Variants in KPNA3 observed in about 807,000 individuals in gnomAD.
The protein encoded by KPNA3 is karyopherin subunit alpha 3, also known as importin subunit alpha-4.
Under a neutral mutation model 73.8 loss-of-function variants are expected in KPNA3, and 13 were observed. That is an observed-to-expected ratio of 0.18 (90% CI 0.11 to 0.28). The LOEUF is 0.28. Ranked by LOEUF, KPNA3 falls within the 10% of genes least tolerant of loss-of-function variation. The probability of loss-of-function intolerance (pLI) is 1.00; values close to 1 mark genes in which losing one functional copy is unlikely to be tolerated. For synonymous variants in KPNA3, 186 were observed against 206.9 expected (o/e 0.90, Z 0.87); for missense variants, 360 against 618.1 (o/e 0.58, Z 4.43).
chr13:49,745,879 C>CG (rs1438037115), intron 2 of KPNA3, among the ~76,000 whole-genome samples: 1 of 150,164 alleles, frequency 6.7e-6, no homozygotes, highest in Admixed American at 6.6e-5. Context: ...CTGGCTAACA[C>CG]GGTGAAACCC....
Position 49,718,819 on chromosome 13 carries a change from A to G in KPNA3, c.771+956T>C, listed in dbSNP as rs778734945. Reference sequence around the variant, plus strand: ...TTAAAATCTGCAAATGAGCTAGAGTAATGTGATACAATTTTTATATACAAA... The same window carrying G: ...TTAAAATCTGCAAATGAGCTAGAGTGATGTGATACAATTTTTATATACAAA... On this transcript the variant is annotated intron_variant, in intron 10 of 16. Transcript: ENST00000261667. 3.7e-4 allele frequency among the ~76,000 whole-genome samples: 56 copies of G among 152,186 alleles called. 1 individual carries two copies. Among genetic ancestry groups the G allele is most frequent in the African/African-American group, 7.2e-4 (30 of 41,448 alleles).
At chr13:49,739,978 C>T (rs1415908277) in intron 2 of KPNA3, among the ~76,000 whole-genome samples, 1 of 152,124 alleles carries the variant, frequency 6.6e-6, no homozygotes, top group African/African-American at 2.4e-5. Context: ...CAGCTGAGTG[C>T]AGTGGCTCAT....
intron 1 of KPNA3, among the ~76,000 whole-genome samples, chr13:49,782,150 C>A (rs1954946137): frequency 6.6e-6 from 1 of 152,224 alleles, no homozygotes; most frequent in African/African-American, 2.4e-5. Flanking sequence ...ATTAAAAATC[C>A]CACCATAAGA....
In KPNA3 at chr13:49,734,914, T is replaced by TAC. The variant is rs1555305283; in HGVS notation, c.115-1870_115-1869dup. ...AATTTTGACTTTATATATATATATA[T>TAC]ACACACACATATATATATATATATA... On this transcript the variant is annotated intron_variant, in intron 2 of 16. Coordinates refer to ENST00000261667, the MANE Select transcript of KPNA3 (RefSeq NM_002267.4). 3.8e-3 allele frequency among the ~76,000 whole-genome samples: 525 copies of TAC among 139,960 alleles called. 3 individuals are homozygous for TAC. Among genetic ancestry groups the TAC allele is most frequent in the East Asian group, 0.018 (88 of 4,922 alleles). The allele number at this position is 139,960 out of a possible 152,430, so 91.8% of individuals were successfully genotyped here.
At chr13:49,723,868 TAAAA>T (rs34273881) in intron 7 of KPNA3, among the ~76,000 whole-genome samples, 3 of 127,858 alleles carry the variant, frequency 2.3e-5, no homozygotes, top group African/African-American at 8.9e-5. Context: ...GACTCCGTCT[TAAAA>T]AAAAAAAAAA....
intron 7 of KPNA3, among the ~76,000 whole-genome samples, chr13:49,724,830 C>T (rs1223436466): frequency 6.6e-6 from 1 of 152,134 alleles, no homozygotes; most frequent in African/African-American, 2.4e-5. Flanking sequence ...CTCCTGAACT[C>T]AAGTGATCTG....
At chr13:49,719,257 CTG>C (rs1398379061) in intron 10 of KPNA3, among the ~76,000 whole-genome samples, 1 of 152,084 alleles carries the variant, frequency 6.6e-6, no homozygotes, top group African/African-American at 2.4e-5. Context: ...TCTAAAAAGA[CTG>C]TAGCATAAAA....
intron 7 of KPNA3, among the ~76,000 whole-genome samples, chr13:49,723,777 G>A (rs1954382564): frequency 6.7e-6 from 1 of 148,266 alleles, no homozygotes; most frequent in African/African-American, 2.5e-5. Flanking sequence ...GGGTGAGGCA[G>A]GAGAATTGCT....
chr13:49,733,093 T>A lies in KPNA3; in HGVS notation c.115-47A>T, dbSNP rs769930685. Reference sequence around the variant, plus strand: ...CTTAAGAAGTCATAAGGACTACTGTTAATGAAAAATCCATTAAAACTACTT... The same window carrying A: ...CTTAAGAAGTCATAAGGACTACTGTAAATGAAAAATCCATTAAAACTACTT... On this transcript the variant is annotated intron_variant, in intron 2 of 16. Coordinates refer to ENST00000261667, the MANE Select transcript of KPNA3 (RefSeq NM_002267.4). The A allele has an allele frequency of 7.7e-6, 9 of 1,164,124 alleles. No homozygotes were observed. In the African/African-American group the frequency reaches 1.4e-4, roughly 18 times the overall value. The allele number at this position is 1,164,124 out of a possible 1,614,324, so 72.1% of individuals were successfully genotyped here. A position where few individuals can be genotyped will look rare whatever the true frequency, so the allele number is the denominator to read the frequency against.
intron 1 of KPNA3, among the ~76,000 whole-genome samples, chr13:49,766,942 G>T: frequency 1.4e-5 from 2 of 141,766 alleles, no homozygotes; most frequent in African/African-American, 2.6e-5. Flanking sequence ...ACAAATAACT[G>T]AAATGGGATT....
chr13:49,734,970 G>GAGAGAGAA (rs1261023614), intron 2 of KPNA3, among the ~76,000 whole-genome samples: 1 of 151,594 alleles, frequency 6.6e-6, no homozygotes, highest in African/African-American at 2.4e-5. Context: ...GAGAGAGAGA[G>GAGAGAGAA]AGAGACATTC....
chr13:49,754,986 C>T (rs1379094748), intron 1 of KPNA3, among the ~76,000 whole-genome samples: 1 of 151,866 alleles, frequency 6.6e-6, no homozygotes, highest in African/African-American at 2.4e-5. Flanking sequence ...CTACAAAAAA[C>T]AGATGGGTAC....
Position 49,722,115 on chromosome 13 carries a change from G to A in KPNA3, c.566C>T (p.Pro189Leu). ...WALGNIIGDG[P>L]QCRDYVISLG... ...TGATATGACATAATCTCTACATTGA[G>A]GACCATCACCTACAGAAATGAAAAT... Residue 189 changes from proline to leucine, a missense_variant, in exon 9 of 17, where the codon CCT (proline) becomes CTT (leucine). This residue lies in a region of KPNA3 where 287 missense variants were observed against 549.1 expected (regional missense o/e 0.52). Transcript: ENST00000261667. The A allele has an allele frequency of 6.5e-7, 1 of 1,547,970 alleles. No homozygotes were observed. Among genetic ancestry groups the A allele is most frequent in the Non-Finnish European group, 8.7e-7 (1 of 1,149,188 alleles).
chr13:49,706,164 G>A lies in KPNA3; in HGVS notation c.1143C>T (p.Asp381=). 2 of 1,613,564 alleles carry A rather than the reference G, an allele frequency of 1.2e-6. No homozygotes were observed. The highest frequency in any genetic ancestry group is 1.7e-5 in the Admixed American group (1 of 59,934). ...AAGCAGCTTCTTTTTGTGTTCCAAA[G>A]TCCCCCTGAAGGTTAAAAATGAGAT... ...PMIIHQLAKG[D]FGTQKEAAWA... is the part of the protein sequence containing the mutation. The change falls in exon 14 of 17, where the codon GAC becomes GAT. Residue 381 remains aspartate (D), a synonymous_variant. Coordinates refer to ENST00000261667, the MANE Select transcript of KPNA3 (RefSeq NM_002267.4).
rs796186569 is a variant in KPNA3, at chr13:49,703,464, G to A, written c.1373-984C>T. Reference sequence around the variant, plus strand: ...CAAAGTGCTGGGATTACAGGAGTGAGCCACTGCACCCGGCCAATCTTATTA... The same window carrying A: ...CAAAGTGCTGGGATTACAGGAGTGAACCACTGCACCCGGCCAATCTTATTA... On this transcript the variant is annotated intron_variant, in intron 15 of 16. Transcript: ENST00000261667. 1.8e-4 allele frequency among the ~76,000 whole-genome samples: 27 copies of A among 152,292 alleles called. 1 individual carries two copies. The highest frequency in any genetic ancestry group is 5.1e-4 in the African/African-American group (21 of 41,560).
Position 49,701,116 on chromosome 13 carries a change from T to C in KPNA3, c.*684A>G, listed in dbSNP as rs1405823140. 1 of 160,650 alleles carries C rather than the reference T, an allele frequency of 6.2e-6. No homozygotes were observed. Among genetic ancestry groups the C allele is most frequent in the African/African-American group, 2.4e-5 (1 of 41,460 alleles). 10.0% of individuals were successfully genotyped at this position (160,650 alleles called of 1,614,324 possible). On this transcript the variant is annotated 3_prime_UTR_variant, in exon 17 of 17. Coordinates refer to ENST00000261667, the MANE Select transcript of KPNA3 (RefSeq NM_002267.4). ...AAATTAGGTATAATGGCAAAAGCAT[T>C]AATATCCATATCTAAAGTTCTTCCT...
At chr13:49,782,615 ATG>A (rs1954949951) in intron 1 of KPNA3, among the ~76,000 whole-genome samples, 5 of 152,188 alleles carry the variant, frequency 3.3e-5, no homozygotes, top group Non-Finnish European at 7.4e-5. Context: ...GCGGTGGCTC[ATG>A]CCTGTAATCC....
rs1221271464 is a variant in KPNA3 at position 49,734,932 on chromosome 13, T to G, written c.115-1886A>C. 1.6e-3 allele frequency among the ~76,000 whole-genome samples: 141 copies of G among 89,370 alleles called. 1 individual carries two copies. The highest frequency in any genetic ancestry group is 3.4e-3 in the African/African-American group (105 of 30,438). 58.6% of individuals were successfully genotyped at this position (89,370 alleles called of 152,430 possible). ...ATATATATACACACACATATATATA[T>G]ATATATAGAGAGAGAGATAGATAGA... On this transcript the variant is annotated intron_variant, in intron 2 of 16. Transcript: ENST00000261667.
At chr13:49,743,237 A>G (rs1954589617) in intron 2 of KPNA3, among the ~76,000 whole-genome samples, 3 of 152,162 alleles carry the variant, frequency 2.0e-5, no homozygotes, top group South Asian at 2.1e-4. Flanking sequence ...AAGAATCTCA[A>G]TGTCACTAAA....
Sources: allele counts gnomAD v4.1 joint callset (sites outside exome capture counted in the v4.1 genomes callset), GRCh38; gene constraint gnomAD v4.1.1; regional missense constraint gnomAD v4.1.1; transcripts MANE v1.5; gene names NCBI Gene and HGNC (gene_info 2026-07-23, HGNC 2026-07-21).